The following TCTN2 variants were observed in gnomAD, a reference collection of about 807,000 sequenced individuals.
The protein encoded by TCTN2 is tectonic-2.
A neutral mutation model predicts 83.4 loss-of-function variants in TCTN2; 66 were observed. The ratio of observed to expected loss-of-function variants is 0.79; its 90% confidence interval spans 0.65 to 0.97. The LOEUF (loss-of-function observed/expected upper bound fraction) is 0.97, where lower values mean the gene tolerates loss of function less well. TCTN2 is among the 50% of genes least tolerant of loss of function. The pLI, the probability that TCTN2 is intolerant of heterozygous loss-of-function variation, is 0.00. For synonymous variants in TCTN2, 301 were observed against 326.7 expected (o/e 0.92, Z 0.85); for missense variants, 794 against 858.1 (o/e 0.93, Z 0.93).
intron 5 of TCTN2, among the ~76,000 whole-genome samples, chr12:123,679,833 G>C (rs184895311): frequency 1.5e-5 from 2 of 136,660 alleles, no homozygotes; most frequent in African/African-American, 5.5e-5. Context: ...TCCGCCTCCC[G>C]GGTTCATGCC....
At chr12:123,707,290 T>G (rs920468755) in intron 17 of TCTN2, 4 of 616,534 alleles carry the variant, frequency 6.5e-6, no homozygotes, top group Non-Finnish European at 1.1e-5. Context: ...TCTGACACCC[T>G]GGCTGGAGTG....
chr12:123,679,133 C>T, intron 4 of TCTN2, 56 bp from the exon 5 acceptor site: 2 of 1,458,312 alleles, frequency 1.4e-6, no homozygotes, highest in Non-Finnish European at 1.9e-6. Flanking sequence ...AAAAATGTGA[C>T]TGTGCTTTGT....
chr12:123,678,704 T>G (rs111868739), intron 4 of TCTN2, among the ~76,000 whole-genome samples: 1 of 152,354 alleles, frequency 6.6e-6, no homozygotes, highest in African/African-American at 2.4e-5. Context: ...ATGTTTGGGT[T>G]TTTGTTGGAG....
intron 5 of TCTN2, among the ~76,000 whole-genome samples, chr12:123,683,682 A>G (rs1397444892): frequency 2.0e-5 from 3 of 152,164 alleles, no homozygotes; most frequent in Non-Finnish European, 4.4e-5. Context: ...TCTGTTGCCC[A>G]GGCTGGAGTG....
intron 14 of TCTN2, among the ~76,000 whole-genome samples, chr12:123,704,252 G>A (rs191838123): frequency 7.7e-4 from 117 of 152,130 alleles, no homozygotes; most frequent in African/African-American, 2.7e-3. Flanking sequence ...TGATCTGCCC[G>A]CCTCAGCCTC....
At chr12:123,707,269 G>A in intron 17 of TCTN2, 196 bp downstream of exon 17, 1 of 619,416 alleles carries the variant, frequency 1.6e-6, no homozygotes, top group South Asian at 2.0e-5. Context: ...TTTTTTTTTA[G>A]AGAGTCTTGC....
At chr12:123,683,809 T>G (rs1955929911) in intron 5 of TCTN2, among the ~76,000 whole-genome samples, 1 of 152,122 alleles carries the variant, frequency 6.6e-6, no homozygotes, top group Non-Finnish European at 1.5e-5. Flanking sequence ...CAGCTAATTT[T>G]TTGTATTTTG....
chr12:123,689,463 G>A (rs944456822), intron 7 of TCTN2, among the ~76,000 whole-genome samples: 2 of 152,142 alleles, frequency 1.3e-5, no homozygotes, highest in Non-Finnish European at 2.9e-5. Flanking sequence ...ATTACAGTGT[G>A]AGCCTTGATG....
intron 5 of TCTN2, among the ~76,000 whole-genome samples, chr12:123,683,403 C>T (rs996977763): frequency 7.3e-5 from 11 of 151,332 alleles, no homozygotes; most frequent in Non-Finnish European, 1.6e-4. Context: ...CCTTGGCCTC[C>T]CAAAGCGATG....
chr12:123,687,109 T>C, intron 6 of TCTN2, 74 bp downstream of exon 6: 5 of 1,554,264 alleles, frequency 3.2e-6, no homozygotes, highest in Non-Finnish European at 4.4e-6. Context: ...TAGTAGGCCC[T>C]GCAACGCGGT....
Position 123,706,729 on chromosome 12 carries a change from C to G in TCTN2, c.1773C>G (p.Phe591Leu). ...QQEILGVETR[F>L]SSVNWQYQCG... Reference sequence around the variant, plus strand: ...CCATGTGATCTTTCCCTCCTAGGTTCTCCTCAGTGAACTGGCAGTACCAGT... The same window carrying G: ...CCATGTGATCTTTCCCTCCTAGGTTGTCCTCAGTGAACTGGCAGTACCAGT... Residue 591 changes from phenylalanine (F) to leucine (L), a missense_variant, in exon 16 of 18, where the codon TTC becomes TTG. Physicochemically the swap from Phe to Leu is conservative, Grantham distance 22. Coordinates refer to ENST00000303372, the MANE Select transcript of TCTN2 (RefSeq NM_024809.5). The G allele has an allele frequency of 6.2e-7, 1 of 1,614,086 alleles. No individual in the cohort carries two copies. Among genetic ancestry groups the G allele is most frequent in the South Asian group, 1.1e-5 (1 of 91,062 alleles).
At chr12:123,678,889 C>A (rs1385236851) in intron 4 of TCTN2, among the ~76,000 whole-genome samples, 8 of 151,974 alleles carry the variant, frequency 5.3e-5, no homozygotes, top group Non-Finnish European at 1.0e-4. Context: ...GCTCCGCCTC[C>A]CGGGTTCACA....
intron 14 of TCTN2, among the ~76,000 whole-genome samples, chr12:123,703,170 A>G (rs571982303): frequency 6.9e-6 from 1 of 144,072 alleles, no homozygotes; most frequent in Non-Finnish European, 1.6e-5. Flanking sequence ...TTTTATTATT[A>G]TTTTTTTTTC....
In TCTN2 at chr12:123,696,488, G is replaced by T. The variant is rs727504176; in HGVS notation, c.1386G>T (p.Trp462Cys). 6.2e-7 allele frequency: 1 copy of T among 1,613,988 alleles called. No homozygotes were observed. The highest frequency in any genetic ancestry group is 8.5e-7 in the Non-Finnish European group (1 of 1,179,912). ...RMNNVTTLHLWQSAGRGLCTS... is the reference protein window; with the variant it reads ...RMNNVTTLHLCQSAGRGLCTS... ...ATAATGTCACGACTTTACATCTTTG[G>T]CAATCGGGTAATCCGGTTTGGTCAT... The change falls in exon 12 of 18, where the codon TGG becomes TGT. Residue 462 changes from tryptophan (W) to cysteine (C), a missense_variant. Trp to Cys is a radical substitution (Grantham distance 215). Coordinates refer to ENST00000303372, the MANE Select transcript of TCTN2 (RefSeq NM_024809.5).
chr12:123,697,129 T>G lies in TCTN2; in HGVS notation c.1436T>G (p.Leu479Ter), dbSNP rs1216783170. The G allele has an allele frequency of 1.9e-6, 3 of 1,614,046 alleles. No individual in the cohort carries two copies. The highest frequency in any genetic ancestry group is 1.7e-6 in the Non-Finnish European group (2 of 1,180,014). ...LCTSATFKPI[L>*]FGENVLSGCL... is the part of the protein sequence containing the mutation. The stretch of plus-strand genomic sequence containing the variant: ...ACATCAGCAACTTTCAAACCCATTT[T>G]ATTTGGAGAAAATGTACTCTCTGGA... Residue 479 changes from leucine to a stop codon, truncating the protein, a stop_gained, in exon 13 of 18, where the codon TTA becomes TGA. Transcript: ENST00000303372. LOFTEE classifies it high-confidence loss of function.
chr12:123,704,834 A>T (rs756706214), intron 15 of TCTN2, 146 bp downstream of exon 15: 11 of 850,754 alleles, frequency 1.3e-5, no homozygotes, highest in Non-Finnish European at 2.1e-5. Context: ...CACATATGGA[A>T]TATGTACGAA....
chr12:123,700,713 T>C (rs1215584283), intron 14 of TCTN2, among the ~76,000 whole-genome samples: 1 of 152,174 alleles, frequency 6.6e-6, no homozygotes, highest in African/African-American at 2.4e-5. Context: ...TTATAGGCGT[T>C]AGCCACCGTG....
intron 5 of TCTN2, among the ~76,000 whole-genome samples, chr12:123,684,730 C>T (rs940168645): frequency 6.6e-6 from 1 of 151,864 alleles, no homozygotes; most frequent in Non-Finnish European, 1.5e-5. Context: ...AAAAATTATC[C>T]TAAGAACAAT....
intron 16 of TCTN2, 65 bp from the exon 17 acceptor site, chr12:123,706,920 T>C (rs1465657380): frequency 6.2e-7 from 1 of 1,613,830 alleles, no homozygotes; most frequent in East Asian, 2.2e-5. Context: ...TGGAAGTTTA[T>C]TCCTTTAATC....
Sources: gnomAD v4.1 joint callset for allele counts (sites outside exome capture counted in the v4.1 genomes callset) on GRCh38, gnomAD v4.1.1 for gene constraint, MANE v1.5 for transcripts, NCBI Gene and HGNC (gene_info 2026-07-23, HGNC 2026-07-21) for gene names.